APBB2: variants seen among roughly 807,000 people sequenced by gnomAD.
The protein encoded by APBB2 is amyloid beta precursor protein binding family B member 2.
Under a neutral mutation model 82.5 loss-of-function variants are expected in APBB2, and 38 were observed. The ratio of observed to expected loss-of-function variants is 0.46; its 90% CI spans 0.36 to 0.60. The LOEUF is 0.60. APBB2 is among the 20% of genes least tolerant of loss of function. The pLI is 0.00. For synonymous variants in APBB2, 341 were observed against 368.2 expected (o/e 0.93, Z 0.85); for missense variants, 772 against 972.3 (o/e 0.79, Z 2.74).
chr4:41,207,198 C>CAAAAAAAAA (rs368548129), intron 1 of APBB2, among the ~76,000 whole-genome samples: 1 of 67,344 alleles, frequency 1.5e-5, no homozygotes, highest in Non-Finnish European at 2.5e-5. Flanking sequence ...GACTCCGTCT[C>CAAAAAAAAA]AAAAAAAAAA....
chr4:41,120,808 T>G (rs1447117093), intron 2 of APBB2, among the ~76,000 whole-genome samples: 1 of 152,354 alleles, frequency 6.6e-6, no homozygotes, highest in African/African-American at 2.4e-5. Context: ...GACCATTTTG[T>G]TAGTAGAACC....
intron 1 of APBB2, among the ~76,000 whole-genome samples, chr4:41,190,245 T>TTC (rs1774046955): frequency 8.5e-6 from 1 of 117,722 alleles, no homozygotes; most frequent in Non-Finnish European, 1.8e-5. Context: ...TAGGCTATTT[T>TTC]TTTTTTTTTT....
intron 3 of APBB2, among the ~76,000 whole-genome samples, chr4:41,077,364 C>T (rs1005447503): frequency 2.6e-5 from 4 of 151,742 alleles, no homozygotes; most frequent in Admixed American, 6.6e-5. Flanking sequence ...AGAGTTCCAG[C>T]ATCTGACAAA....
chr4:40,860,778 AT>A (rs534375501), intron 12 of APBB2, among the ~76,000 whole-genome samples: 14 of 152,224 alleles, frequency 9.2e-5, no homozygotes, highest in Admixed American at 5.2e-4. Flanking sequence ...TAATGTTACT[AT>A]TTTTTAACCG....
intron 2 of APBB2, among the ~76,000 whole-genome samples, chr4:41,109,214 C>T (rs1469331473): frequency 3.3e-5 from 5 of 151,998 alleles, no homozygotes; most frequent in African/African-American, 1.2e-4. Context: ...CAATGGGCTA[C>T]AATTGTGCCA....
intron 2 of APBB2, among the ~76,000 whole-genome samples, chr4:41,118,544 T>C (rs774564306): frequency 6.6e-6 from 1 of 152,202 alleles, no homozygotes; most frequent in Non-Finnish European, 1.5e-5. Context: ...TAAATATTTA[T>C]GTGTCTGTGA....
intron 1 of APBB2, among the ~76,000 whole-genome samples, chr4:41,178,496 A>T (rs1423752337): frequency 6.6e-6 from 1 of 152,164 alleles, no homozygotes; most frequent in African/African-American, 2.4e-5. Flanking sequence ...CTAGAACAAA[A>T]GCCAGGAGAT....
intron 4 of APBB2, among the ~76,000 whole-genome samples, chr4:41,043,842 T>G (rs1203301719): frequency 2.0e-5 from 3 of 152,236 alleles, no homozygotes; most frequent in Admixed American, 2.0e-4. Context: ...TCCTTACAAC[T>G]TATTTGTTGA....
chr4:41,058,944 T>TA (rs1560638399), intron 4 of APBB2, among the ~76,000 whole-genome samples: 1 of 152,016 alleles, frequency 6.6e-6, no homozygotes, highest in South Asian at 2.1e-4. Flanking sequence ...GAACCAAAGA[T>TA]AGAACTTAAA....
intron 6 of APBB2, among the ~76,000 whole-genome samples, chr4:41,003,089 C>T (rs1176731257): frequency 2.6e-5 from 4 of 152,174 alleles, no homozygotes; most frequent in Admixed American, 2.6e-4. Context: ...AAATATTAAG[C>T]TTTGCCATGT....
chr4:41,044,615 A>G (rs1224495973), intron 4 of APBB2, among the ~76,000 whole-genome samples: 1 of 152,234 alleles, frequency 6.6e-6, no homozygotes, highest in East Asian at 1.9e-4. Context: ...TTTGCTAGAT[A>G]TAAAAATACT....
chr4:41,092,717 GA>G (rs1469719239), intron 3 of APBB2, among the ~76,000 whole-genome samples: 2 of 151,106 alleles, frequency 1.3e-5, no homozygotes, highest in Non-Finnish European at 2.9e-5. Flanking sequence ...TACTTGGTCT[GA>G]ATAGAGTTTT....
intron 1 of APBB2, among the ~76,000 whole-genome samples, chr4:41,145,527 G>C (rs371942304): frequency 6.6e-6 from 1 of 152,120 alleles, no homozygotes; most frequent in Non-Finnish European, 1.5e-5. Context: ...AAAATGAAAC[G>C]CATGCAGGAG....
intron 10 of APBB2, among the ~76,000 whole-genome samples, chr4:40,902,899 G>C (rs1388997801): frequency 6.6e-6 from 1 of 152,212 alleles, no homozygotes; most frequent in Non-Finnish European, 1.5e-5. Flanking sequence ...CCAACTACTT[G>C]GGAGGCTGAC....
intron 6 of APBB2, among the ~76,000 whole-genome samples, chr4:40,994,114 G>A (rs147240015): frequency 5.9e-5 from 9 of 151,948 alleles, no homozygotes; most frequent in African/African-American, 1.7e-4. Context: ...GTGAAGCCCC[G>A]TCTCTACTAA....
intron 2 of APBB2, among the ~76,000 whole-genome samples, chr4:41,136,745 A>G (rs933126894): frequency 2.6e-5 from 4 of 152,220 alleles, no homozygotes; most frequent in African/African-American, 7.2e-5. Context: ...CAGCTCAGCT[A>G]TGTGCCAGAG....
At chr4:41,110,226 G>A (rs552992771) in intron 2 of APBB2, among the ~76,000 whole-genome samples, 14 of 152,334 alleles carry the variant, frequency 9.2e-5, no homozygotes, top group Middle Eastern at 3.4e-3. Context: ...TGCCTGGCAC[G>A]CAGGAGGCAC....
chr4:41,020,277 A>C (rs1811130746), intron 5 of APBB2, among the ~76,000 whole-genome samples: 1 of 152,210 alleles, frequency 6.6e-6, no homozygotes, highest in South Asian at 2.1e-4. Context: ...AGGTTTCCTA[A>C]CAGGGGATCT....
At chr4:41,201,073 G>A (rs11734923) in intron 1 of APBB2, among the ~76,000 whole-genome samples, 15,605 of 152,136 alleles carry the variant, frequency 0.1, 1,178 homozygotes, top group African/African-American at 0.22. Flanking sequence ...GATAATCCAT[G>A]CAGTGCATTC....
Sources: allele counts gnomAD v4.1 joint callset (sites outside exome capture counted in the v4.1 genomes callset), GRCh38; gene constraint gnomAD v4.1.1; transcripts MANE v1.5; gene names NCBI Gene and HGNC (gene_info 2026-07-23, HGNC 2026-07-21).